TDRD7: variants seen among roughly 807,000 people sequenced by gnomAD.
TDRD7 encodes the protein tudor domain-containing protein 7.
In TDRD7, 47 loss-of-function variants were observed where a neutral mutation model predicts 109.8. The observed-to-expected ratio is 0.43, with a 90% CI of 0.34 to 0.55. The LOEUF (loss-of-function observed/expected upper bound fraction) is 0.55. Among genes scored for constraint, TDRD7 ranks in the 20% least tolerant of loss-of-function variants. The pLI, the probability that TDRD7 is intolerant of heterozygous loss-of-function variation, is 0.03. For missense variants in TDRD7, 1,164 were observed against 1,319.2 expected, an observed-to-expected ratio of 0.88 and a Z score of 1.82; for synonymous variants, 424 against 457.3, an observed-to-expected ratio of 0.93 and a Z score of 0.93.
intron 5 of TDRD7, 55 bp from the exon 6 acceptor site, chr9:97,441,603 G>A (rs1828305851): frequency 2.1e-6 from 3 of 1,438,180 alleles, no homozygotes; most frequent in East Asian, 2.5e-5. Context: ...AGGTAATGGG[G>A]ATAATCTAAA....
intron 7 of TDRD7, among the ~76,000 whole-genome samples, 173 bp downstream of exon 7, chr9:97,460,937 C>T (rs1036623791): frequency 2.0e-5 from 3 of 152,028 alleles, no homozygotes. Flanking sequence ...GTCAGGAGAT[C>T]GAGACCATCC....
chr9:97,475,764 T>A (rs1829007874), intron 12 of TDRD7, among the ~76,000 whole-genome samples: 1 of 152,172 alleles, frequency 6.6e-6, no homozygotes, highest in African/African-American at 2.4e-5. Context: ...ATTTTTAATA[T>A]TTAAATAGTG....
intron 15 of TDRD7, among the ~76,000 whole-genome samples, chr9:97,485,682 A>G (rs926551746): frequency 2.0e-5 from 3 of 152,242 alleles, no homozygotes; most frequent in East Asian, 3.9e-4. Context: ...GATGATAACT[A>G]TCATTTGCCA....
chr9:97,463,694 G>T (rs56167002), intron 7 of TDRD7, among the ~76,000 whole-genome samples: 5 of 152,208 alleles, frequency 3.3e-5, no homozygotes, highest in African/African-American at 9.6e-5. Flanking sequence ...TTACACCCTA[G>T]AAGGAGACCC....
intron 16 of TDRD7, among the ~76,000 whole-genome samples, chr9:97,488,468 G>A (rs1355259117): frequency 6.6e-6 from 1 of 151,982 alleles, no homozygotes; most frequent in Non-Finnish European, 1.5e-5. Context: ...AAATCCTATG[G>A]TAATTGGATA....
At chr9:97,483,411 A>G in intron 15 of TDRD7, 60 bp downstream of exon 15, 1 of 1,594,972 alleles carries the variant, frequency 6.3e-7, no homozygotes, top group Non-Finnish European at 8.5e-7. Context: ...AAATGATGCC[A>G]GAGTCTTAAT....
At chr9:97,453,849 A>G (rs1239429503) in intron 6 of TDRD7, among the ~76,000 whole-genome samples, 1 of 152,212 alleles carries the variant, frequency 6.6e-6, no homozygotes, top group Non-Finnish European at 1.5e-5. Flanking sequence ...AGAAGAGCTG[A>G]CTATTCTAAA....
Position 97,470,413 on chromosome 9 carries a change from CAG to C in TDRD7, c.1630-144_1630-143del, listed in dbSNP as rs1467998618. 3 of 717,780 alleles carry C rather than the reference CAG, an allele frequency of 4.2e-6. No homozygotes were observed. The African/African-American group carries it at 5.3e-5, about 13-fold the overall frequency. The allele number at this position is 717,780 out of a possible 1,614,324, so 44.5% of individuals were successfully genotyped here. The stretch of plus-strand genomic sequence containing the variant: ...CCAGCCTTTCTCTTCTGTGGTAAGT[CAG>C]GGGCACCTCCCCAGCTTTTTCCAGG... On this transcript the variant is annotated intron_variant, in intron 8 of 16. Transcript: ENST00000355295.
intron 5 of TDRD7, 116 bp from the exon 6 acceptor site, chr9:97,441,542 C>T: frequency 1.1e-6 from 1 of 900,872 alleles, no homozygotes; most frequent in Non-Finnish European, 1.8e-6. Context: ...CTTCTAAGTC[C>T]TTTGGCTACC....
intron 6 of TDRD7, among the ~76,000 whole-genome samples, chr9:97,459,115 G>A (rs535664477): frequency 5.9e-5 from 9 of 152,130 alleles, no homozygotes; most frequent in Admixed American, 2.6e-4. Context: ...TAATGGTCTC[G>A]TACAGGGTTC....
Position 97,432,115 on chromosome 9 carries a change from G to A in TDRD7, c.440G>A (p.Gly147Glu). 2 of 1,613,822 alleles carry A rather than the reference G, an allele frequency of 1.2e-6. No homozygotes were observed. Among genetic ancestry groups the A allele is most frequent in the Non-Finnish European group, 1.7e-6 (2 of 1,179,790 alleles). ...AATCCAGCACCGTTAAGAGACAAAG[G>A]AAACTCTGTTGGAGTTAAGCCTGAT... is the stretch of plus-strand genomic sequence containing the variant. ...KPNPAPLRDKGNSVGVKPDAE... is the reference protein window; with the variant it reads ...KPNPAPLRDKENSVGVKPDAE... Residue 147 changes from glycine to glutamate, a missense_variant, in exon 4 of 17, where the codon GGA becomes GAA. This residue lies in a region of TDRD7 where 407 missense variants were observed against 394.0 expected (regional missense o/e 1.03). Coordinates refer to ENST00000355295, the MANE Select transcript of TDRD7 (RefSeq NM_014290.3).
chr9:97,465,591 A>G (rs970745864), intron 8 of TDRD7, among the ~76,000 whole-genome samples: 4 of 152,184 alleles, frequency 2.6e-5, no homozygotes, highest in East Asian at 3.8e-4. Flanking sequence ...CATACTGTCA[A>G]TGCAGAGACC....
Position 97,453,995 on chromosome 9 carries a change from A to T in TDRD7, c.856-6183A>T, listed in dbSNP as rs141735336. On this transcript the variant is annotated intron_variant, in intron 6 of 16. Transcript: ENST00000355295. ...TGTCAATATTAGACCAACAAGACAG[A>T]AAATTAACAATGATATTCAGGACTT... is the stretch of plus-strand genomic sequence containing the variant. 5.6e-3 allele frequency among the ~76,000 whole-genome samples: 860 copies of T among 152,332 alleles called. 4 individuals carry two copies. Among genetic ancestry groups the T allele is most frequent in the Middle Eastern group, 0.02 (6 of 294 alleles).
chr9:97,418,407 G>A (rs898400842), intron 1 of TDRD7, among the ~76,000 whole-genome samples: 2 of 152,092 alleles, frequency 1.3e-5, no homozygotes, highest in Non-Finnish European at 2.9e-5. Context: ...CTATATAAAG[G>A]AGAAGACACA....
intron 1 of TDRD7, among the ~76,000 whole-genome samples, chr9:97,414,012 C>T (rs1827770143): frequency 6.6e-6 from 1 of 152,150 alleles, no homozygotes; most frequent in South Asian, 2.1e-4. Context: ...TAATCCAACC[C>T]CGAGTGCCTA....
intron 6 of TDRD7, among the ~76,000 whole-genome samples, chr9:97,445,109 G>A (rs575910291): frequency 7.2e-5 from 11 of 152,204 alleles, no homozygotes; most frequent in Non-Finnish European, 1.5e-4. Flanking sequence ...AACTTGTGAG[G>A]GAAGTGGAAA....
intron 6 of TDRD7, among the ~76,000 whole-genome samples, chr9:97,445,559 G>C (rs1828386158): frequency 6.6e-6 from 1 of 152,192 alleles, no homozygotes; most frequent in African/African-American, 2.4e-5. Context: ...AAACCTGACA[G>C]ATGGGTTAGT....
chr9:97,494,706 ATATATAT>A (rs1210970320), intron 16 of TDRD7, among the ~76,000 whole-genome samples: 5 of 94,764 alleles, frequency 5.3e-5, no homozygotes, highest in African/African-American at 1.9e-4. Flanking sequence ...ATATATATAT[ATATATAT>A]TTTTTTTTTT....
intron 11 of TDRD7, 76 bp from the exon 12 acceptor site, chr9:97,475,307 G>A (rs1828998973): frequency 7.7e-6 from 9 of 1,165,682 alleles, no homozygotes; most frequent in African/African-American, 3.0e-5. Flanking sequence ...GTGCCACAGC[G>A]ATCTGTTTTT....
Sources: allele counts gnomAD v4.1 joint callset (sites outside exome capture counted in the v4.1 genomes callset), GRCh38; gene constraint gnomAD v4.1.1; regional missense constraint gnomAD v4.1.1; transcripts MANE v1.5; gene names NCBI Gene and HGNC (gene_info 2026-07-23, HGNC 2026-07-21).